Variants in GRIP1 observed in about 807,000 individuals in gnomAD.
The protein encoded by GRIP1 is glutamate receptor interacting protein 1, also known as glutamate receptor-interacting protein 1.
GRIP1 carries 45 observed loss-of-function variants against 129.9 expected under a neutral mutation model. The observed-to-expected ratio is 0.35, with a 90% confidence interval of 0.27 to 0.44. GRIP1 has a LOEUF of 0.44. Ranked by LOEUF, GRIP1 falls within the 20% of genes least tolerant of loss-of-function variation. GRIP1 has a pLI of 1.00. For missense variants in GRIP1, 1,196 were observed against 1,396.8 expected (o/e 0.86, Z 2.29); for synonymous variants, 530 against 520.8 (o/e 1.02, Z -0.24).
chr12:66,939,497 ATCCTGGCAAACACAG>A (rs1471336661), intron 1 of GRIP1, among the ~76,000 whole-genome samples: 1 of 152,190 alleles, frequency 6.6e-6, no homozygotes, highest in Non-Finnish European at 1.5e-5. Flanking sequence ...TTCAATACAT[ATCCTGGCAAACACAG>A]TAACTAAGTA....
intron 1 of GRIP1, among the ~76,000 whole-genome samples, chr12:67,007,787 C>T (rs535427640): frequency 2.6e-5 from 4 of 152,140 alleles, no homozygotes; most frequent in Non-Finnish European, 5.9e-5. Context: ...CTTGCACAAT[C>T]GATGCCTTTG....
intron 1 of GRIP1, among the ~76,000 whole-genome samples, chr12:66,967,794 T>C (rs1390921139): frequency 6.6e-6 from 1 of 152,224 alleles, no homozygotes; most frequent in Non-Finnish European, 1.5e-5. Context: ...TTCACTGCAG[T>C]CTGAGTACAT....
chr12:66,740,203 T>C (rs144701261), intron 1 of GRIP1, among the ~76,000 whole-genome samples: 16 of 152,314 alleles, frequency 1.1e-4, no homozygotes, highest in African/African-American at 3.8e-4. Context: ...AATATACATC[T>C]TGCAAAAATC....
intron 7 of GRIP1, among the ~76,000 whole-genome samples, chr12:66,501,351 T>G (rs2060387298): frequency 6.6e-6 from 1 of 152,114 alleles, no homozygotes; most frequent in Non-Finnish European, 1.5e-5. Context: ...TCACGCCTGG[T>G]GGGGAATATT....
At position 66,551,742 on chromosome 12, in the gene GRIP1, T is replaced by TTTG. The variant is rs561356842; in HGVS notation, c.137-9795_137-9793dup. 1.3e-3 allele frequency among the ~76,000 whole-genome samples: 204 copies of TTTG among 151,410 alleles called. 3 individuals carry two copies. In the South Asian group the frequency reaches 0.035, roughly 26 times the overall value. On this transcript the variant is annotated intron_variant, in intron 2 of 24. Coordinates refer to ENST00000359742, the MANE Select transcript of GRIP1 (RefSeq NM_001366722.1). ...GGCCCAGCTAATTTTTTAAAACAAT[T>TTTG]TTGTTGTTGTTGTTGTTGTTGTACA...
At position 66,498,225 on chromosome 12, in the gene GRIP1, G is replaced by T. The variant is rs1466792794; in HGVS notation, c.724+17394C>A. On this transcript the variant is annotated intron_variant, in intron 7 of 24. Transcript: ENST00000359742. ...GTGGTCTCTTCACACAGACGCGCAT[G>T]AAAGTGTAAGGCTTGGGTGTCAGTG... 2.0e-5 allele frequency among the ~76,000 whole-genome samples: 3 copies of T among 152,224 alleles called. No homozygotes were observed. The East Asian group carries it at 5.8e-4, about 29-fold the overall frequency.
intron 1 of GRIP1, among the ~76,000 whole-genome samples, chr12:66,723,614 C>A (rs2036165055): frequency 6.6e-6 from 1 of 151,996 alleles, no homozygotes; most frequent in Non-Finnish European, 1.5e-5. Context: ...CGCCTGGCCT[C>A]ATTTTCTTTT....
At chr12:66,979,134 T>G (rs1323596684) in intron 1 of GRIP1, among the ~76,000 whole-genome samples, 1 of 146,336 alleles carries the variant, frequency 6.8e-6, no homozygotes, top group Admixed American at 7.2e-5. Context: ...CTTTTTTTCC[T>G]GTATAGCAAT....
intron 1 of GRIP1, among the ~76,000 whole-genome samples, chr12:66,641,320 G>A (rs1360685095): frequency 2.0e-5 from 3 of 151,342 alleles, no homozygotes; most frequent in Non-Finnish European, 3.0e-5. Context: ...GCCAGTGGGC[G>A]CTTTGACAAA....
rs76832171 is a variant in GRIP1, at chr12:66,616,760, A to T, written c.56-19833T>A. Among the ~76,000 whole-genome samples the T allele has an allele frequency of 4.0e-3, 614 of 152,178 alleles. 8 individuals carry two copies. Among genetic ancestry groups the T allele is most frequent in the African/African-American group, 0.014 (580 of 41,540 alleles). The stretch of plus-strand genomic sequence containing the variant: ...CCTAAGCAAAACCAACTGATAACTG[A>T]TGGGACCTCCTTCATCTTCTCTGAG... On this transcript the variant is annotated intron_variant, in intron 1 of 24. Transcript: ENST00000359742.
intron 1 of GRIP1, among the ~76,000 whole-genome samples, chr12:67,015,031 C>T (rs1414625685): frequency 2.0e-5 from 3 of 152,026 alleles, no homozygotes; most frequent in Non-Finnish European, 4.4e-5. Context: ...TCCTAGTGAA[C>T]AGCAGAAAGA....
intron 1 of GRIP1, among the ~76,000 whole-genome samples, chr12:66,979,545 G>A (rs1345270673): frequency 6.6e-6 from 1 of 152,088 alleles, no homozygotes; most frequent in African/African-American, 2.4e-5. Flanking sequence ...TTCATATTAT[G>A]GCCATGAACC....
intron 1 of GRIP1, among the ~76,000 whole-genome samples, chr12:66,855,274 C>CA (rs2039984556): frequency 6.6e-6 from 1 of 151,874 alleles, no homozygotes; most frequent in Non-Finnish European, 1.5e-5. Context: ...ACCCTCTAAG[C>CA]AAGTTGGTTA....
chr12:66,448,188 G>A (rs961553721), intron 11 of GRIP1, among the ~76,000 whole-genome samples: 4 of 152,024 alleles, frequency 2.6e-5, no homozygotes, highest in African/African-American at 9.7e-5. Flanking sequence ...CAAACTCAAT[G>A]TTTTCAAAAT....
intron 1 of GRIP1, among the ~76,000 whole-genome samples, chr12:66,774,276 C>T (rs543709671): frequency 1.4e-4 from 21 of 152,250 alleles, no homozygotes; most frequent in African/African-American, 3.9e-4. Context: ...CTGAGGGAGG[C>T]TCAAATGAGA....
intron 1 of GRIP1, among the ~76,000 whole-genome samples, chr12:67,025,665 C>G (rs577587118): frequency 7.2e-5 from 11 of 152,126 alleles, no homozygotes; most frequent in South Asian, 2.1e-4. Context: ...TCTCTCCCCC[C>G]AGGGTTTAAC....
chr12:66,834,798 C>A (rs1402346378), intron 1 of GRIP1, among the ~76,000 whole-genome samples: 1 of 151,314 alleles, frequency 6.6e-6, no homozygotes, highest in Non-Finnish European at 1.5e-5. Context: ...GAAAGAATTG[C>A]CTATAGAATT....
chr12:66,636,715 C>CTCTGTGTGTGTGTGTGTG (rs779418554), intron 1 of GRIP1, among the ~76,000 whole-genome samples: 2 of 145,108 alleles, frequency 1.4e-5, no homozygotes, highest in Admixed American at 7.0e-5. Flanking sequence ...CATTAGATCT[C>CTCTGTGTGTGTGTGTGTG]TGTGTGTGTG....
chr12:66,689,846 C>T (rs543099933), intron 1 of GRIP1, among the ~76,000 whole-genome samples: 17 of 152,228 alleles, frequency 1.1e-4, no homozygotes, highest in Admixed American at 9.8e-4. Flanking sequence ...AGACCTCTGG[C>T]AGCCACCATT....
Sources: gnomAD v4.1 joint callset for allele counts (sites outside exome capture counted in the v4.1 genomes callset) on GRCh38, gnomAD v4.1.1 for gene constraint, MANE v1.5 for transcripts, NCBI Gene and HGNC (gene_info 2026-07-23, HGNC 2026-07-21) for gene names.